The following TBL2 variants were observed in gnomAD, a reference collection of about 807,000 sequenced individuals.
TBL2 encodes the protein transducin beta-like protein 2.
TBL2 carries 33 observed loss-of-function variants against 41.8 expected under a neutral mutation model. The observed-to-expected ratio is 0.79, with a 90% CI of 0.60 to 1.06. The LOEUF is 1.06. TBL2 is among the 50% of genes least tolerant of loss of function. The pLI, the probability that TBL2 is intolerant of heterozygous loss-of-function variation, is 0.00. For missense variants in TBL2, 522 were observed against 603.8 expected (o/e 0.86, Z 1.42); for synonymous variants, 239 against 241.7 (o/e 0.99, Z 0.10).
chr7:73,574,576 G>T, intron 1 of TBL2, 63 bp from the exon 2 acceptor site: 1 of 1,609,448 alleles, frequency 6.2e-7, no homozygotes, highest in East Asian at 2.2e-5. Context: ...GCCCACCTAT[G>T]ATGAGCCAGG....
At chr7:73,576,400 T>A (rs1793316435) in intron 1 of TBL2, 1 of 331,102 alleles carries the variant, frequency 3.0e-6, no homozygotes, top group South Asian at 2.4e-5. Flanking sequence ...ACCCCGTCTC[T>A]ACTAAAAATA....
At position 73,578,422 on chromosome 7, in the gene TBL2, G is replaced by T; in HGVS notation, c.128C>A (p.Ala43Asp). Residue 43 changes from alanine to aspartate, a missense_variant and splice_region_variant, in exon 1 of 7, where the codon GCC (alanine) becomes GAC (aspartate). Ala to Asp is a moderately radical substitution (Grantham distance 126). Transcript: ENST00000305632. ...RAGEERSGRPACQKANGFPPD... is the reference protein window; with the variant it reads ...RAGEERSGRPDCQKANGFPPD... ...CCACCCGACCCGGCCCCACTTACAG[G>T]CGGGCCGGCCGCTCCTCTCCTCCCC... 2 of 1,526,512 alleles carry T rather than the reference G, an allele frequency of 1.3e-6. No individual in the cohort carries two copies. The highest frequency in any genetic ancestry group is 2.7e-5 in the East Asian group (1 of 37,694). The allele number at this position is 1,526,512 out of a possible 1,614,324, so 94.6% of individuals were successfully genotyped here.
chr7:73,569,038 T>C lies in TBL2; in HGVS notation c.*1469A>G, dbSNP rs1455918398. 2 of 152,236 alleles carry C rather than the reference T, an allele frequency of 1.3e-5. No individual in the cohort carries two copies. The highest frequency in any genetic ancestry group is 2.9e-5 in the Non-Finnish European group (2 of 68,038). 9.4% of individuals were successfully genotyped at this position (152,236 alleles called of 1,614,324 possible). A position where few individuals can be genotyped will look rare whatever the true frequency, so the allele number is the denominator to read the frequency against. ...AGGGAATAATGTGATCTGGTTCACA[T>C]TTTCAAAAGATCATTCTGCTATATA... is the stretch of plus-strand genomic sequence containing the variant. On this transcript the variant is annotated 3_prime_UTR_variant, in exon 7 of 7. Coordinates refer to ENST00000305632, the MANE Select transcript of TBL2 (RefSeq NM_012453.4).
At position 73,573,371 on chromosome 7, in the gene TBL2, A is replaced by G. The variant is rs374299938; in HGVS notation, c.547T>C (p.Phe183Leu). Residue 183 changes from phenylalanine to leucine, a missense_variant, in exon 4 of 7, where the codon TTC becomes CTC. Transcript: ENST00000305632. ...GYTFTATPED[F>L]PKKHKAPVID... is the part of the protein sequence containing the mutation. ...ACAGGCGCCTTGTGCTTTTTAGGGA[A>G]GTCCTCTGGGGTGGCTGTGAAGGTG... The G allele has an allele frequency of 1.9e-6, 3 of 1,614,038 alleles. No homozygotes were observed. Among genetic ancestry groups the G allele is most frequent in the Admixed American group, 3.3e-5 (2 of 59,988 alleles).
chr7:73,570,881 C>G lies in TBL2; in HGVS notation c.970G>C (p.Gly324Arg), dbSNP rs1792897740. The G allele has an allele frequency of 6.2e-7, 1 of 1,613,806 alleles. No individual in the cohort carries two copies. The highest frequency in any genetic ancestry group is 1.3e-5 in the African/African-American group (1 of 74,958). Residue 324 changes from glycine (G) to arginine (R), a missense_variant, in exon 7 of 7, where the codon GGC becomes CGC. By Grantham distance (125) the Gly-to-Arg change is moderately radical. Coordinates refer to ENST00000305632, the MANE Select transcript of TBL2 (RefSeq NM_012453.4). ...KKQDPYLLKTGRFEEAAGAAP... is the reference protein window; with the variant it reads ...KKQDPYLLKTRRFEEAAGAAP... ...GCACCCGCCGCCTCTTCAAAGCGGCCTGTCTTCAGCAAGTAGGGGTCCTGC... is the reference window on the plus strand; with the variant it reads ...GCACCCGCCGCCTCTTCAAAGCGGCGTGTCTTCAGCAAGTAGGGGTCCTGC...
chr7:73,573,869 C>T, intron 3 of TBL2, 69 bp downstream of exon 3: 1 of 1,567,958 alleles, frequency 6.4e-7, no homozygotes, highest in South Asian at 1.2e-5. Flanking sequence ...TACCTCAAAG[C>T]AGATATGGGA....
At chr7:73,571,075 C>A in intron 6 of TBL2, 103 bp from the exon 7 acceptor site, 1 of 1,572,528 alleles carries the variant, frequency 6.4e-7, no homozygotes, top group Non-Finnish European at 8.6e-7. Flanking sequence ...CAGCTTCCTG[C>A]CGAGGGCCAG....
At position 73,570,588 on chromosome 7, in the gene TBL2, G is replaced by T; in HGVS notation, c.1263C>A (p.Asn421Lys). 6.2e-7 allele frequency: 1 copy of T among 1,609,192 alleles called. No homozygotes were observed. The highest frequency in any genetic ancestry group is 8.5e-7 in the Non-Finnish European group (1 of 1,179,128). The change falls in exon 7 of 7, where the codon AAC becomes AAA. Residue 421 changes from asparagine to lysine, a missense_variant. Physicochemically the swap from Asn to Lys is moderately conservative, Grantham distance 94. Transcript: ENST00000305632. ...EMQGHLKRAS[N>K]ESTRQRLQQQ... is the part of the protein sequence containing the mutation. ...GCTGCAGCCTCTGGCGGGTGCTCTC[G>T]TTGGAGGCCCGCTTCAGGTGGCCCT...
rs1325328843 is a variant in TBL2, at chr7:73,578,219, A to C, written c.130+201T>G. On this transcript the variant is annotated intron_variant, in intron 1 of 6. Coordinates refer to ENST00000305632, the MANE Select transcript of TBL2 (RefSeq NM_012453.4). ...GCAGTAAGGGGCCCAGGTTGGAGCC[A>C]GTCCCGCCCCAGGAGGTGCGCCTAA... is the stretch of plus-strand genomic sequence containing the variant. 2.6e-6 allele frequency: 4 copies of C among 1,525,908 alleles called. No homozygotes were observed. The East Asian group carries it at 7.5e-5, about 29-fold the overall frequency. 94.5% of individuals were successfully genotyped at this position (1,525,908 alleles called of 1,614,324 possible).
In TBL2 at chr7:73,572,829, C is replaced by T. The variant is rs1793044888; in HGVS notation, c.725+15G>A. The T allele has an allele frequency of 1.2e-6, 2 of 1,613,938 alleles. No homozygotes were observed. Among genetic ancestry groups the T allele is most frequent in the Non-Finnish European group, 1.7e-6 (2 of 1,179,874 alleles). ...CCTCTCGTGGTCCCAGACGCCAATACCCCTCCTTGCCCACCTGCCACAGGG... is the reference window on the plus strand; with the variant it reads ...CCTCTCGTGGTCCCAGACGCCAATATCCCTCCTTGCCCACCTGCCACAGGG... On this transcript the variant is annotated intron_variant, in intron 5 of 6. Transcript: ENST00000305632.
In TBL2 at chr7:73,567,807, G is replaced by T. The variant is rs1792707575; in HGVS notation, c.*2700C>A. Among the ~76,000 whole-genome samples, 1 of 152,116 alleles carries T rather than the reference G, an allele frequency of 6.6e-6. No individual in the cohort carries two copies. The highest frequency in any genetic ancestry group is 2.4e-5 in the African/African-American group (1 of 41,412). ...TCTCACTGAAACACAACATGGCAAG[G>T]TGGGTAGCACAGGATTCATTCTTAT... On this transcript the variant is annotated 3_prime_UTR_variant, in exon 7 of 7. Coordinates refer to ENST00000305632, the MANE Select transcript of TBL2 (RefSeq NM_012453.4).
At position 73,571,215 on chromosome 7, in the gene TBL2, C is replaced by T. The variant is rs782237326; in HGVS notation, c.852G>A (p.Ser284=). 7 of 1,614,136 alleles carry T rather than the reference C, an allele frequency of 4.3e-6. No individual in the cohort carries two copies. Among genetic ancestry groups the T allele is most frequent in the East Asian group, 4.5e-5 (2 of 44,896 alleles). The change falls in exon 6 of 7, where the codon TCG becomes TCA. Residue 284 remains serine (S), a synonymous_variant. Transcript: ENST00000305632. The part of the protein sequence containing the change: ...ELKGHSAAVH[S]FAFSNDSRRM... ...TCCGTGAGTCGTTGGAGAAAGCAAA[C>T]GAGTGCACAGCCGCGGAGTGGCCCT...
In TBL2 at chr7:73,569,767, T is replaced by C. The variant is rs890358472; in HGVS notation, c.*740A>G. ...AGAGGTCTCCTTAAACAAGATATCA[T>C]CTCCCGAAGAGAGAAGTCCCAACCA... On this transcript the variant is annotated 3_prime_UTR_variant, in exon 7 of 7. Coordinates refer to ENST00000305632, the MANE Select transcript of TBL2 (RefSeq NM_012453.4). 6.6e-6 allele frequency: 1 copy of C among 152,138 alleles called. No individual in the cohort carries two copies. Among genetic ancestry groups the C allele is most frequent in the Non-Finnish European group, 1.5e-5 (1 of 68,026 alleles). 9.4% of individuals were successfully genotyped at this position (152,138 alleles called of 1,614,324 possible). A position where few individuals can be genotyped will look rare whatever the true frequency, so the allele number is the denominator to read the frequency against.
chr7:73,578,432 C>T lies in TBL2; in HGVS notation c.118G>A (p.Gly40Ser). ...GWLRAGEERS[G>S]RPACQKANGF... The stretch of plus-strand genomic sequence containing the variant: ...CGGCCCCACTTACAGGCGGGCCGGC[C>T]GCTCCTCTCCTCCCCCGCGCGCAGC... The change falls in exon 1 of 7, where the codon GGC becomes AGC. Residue 40 changes from glycine to serine, a missense_variant. Transcript: ENST00000305632. The T allele has an allele frequency of 6.5e-7, 1 of 1,531,704 alleles. No individual in the cohort carries two copies. Among genetic ancestry groups the T allele is most frequent in the Non-Finnish European group, 8.8e-7 (1 of 1,141,092 alleles). 94.9% of individuals were successfully genotyped at this position (1,531,704 alleles called of 1,614,324 possible).
At chr7:73,575,070 G>C (rs905079759) in intron 1 of TBL2, among the ~76,000 whole-genome samples, 4 of 152,100 alleles carry the variant, frequency 2.6e-5, no homozygotes, top group African/African-American at 7.2e-5. Context: ...ATCTCTAGCG[G>C]CCCTGCTTTG....
At chr7:73,571,783 G>A (rs1034295478) in intron 5 of TBL2, 10 of 166,678 alleles carry the variant, frequency 6.0e-5, no homozygotes, top group East Asian at 3.2e-4. Flanking sequence ...AAAAAAGGCC[G>A]GGTGTGGTGG....
chr7:73,572,750 T>C lies in TBL2; in HGVS notation c.725+94A>G, dbSNP rs1242657602. ...GGGTTCCTGACCCCACCCCGTATGCTCTTCCCACGCGATGAAGCTGGCTCT... is the reference window on the plus strand; with the variant it reads ...GGGTTCCTGACCCCACCCCGTATGCCCTTCCCACGCGATGAAGCTGGCTCT... On this transcript the variant is annotated intron_variant, in intron 5 of 6. Coordinates refer to ENST00000305632, the MANE Select transcript of TBL2 (RefSeq NM_012453.4). 3.2e-6 allele frequency: 5 copies of C among 1,573,686 alleles called. No homozygotes were observed. The African/African-American group carries it at 6.7e-5, about 21-fold the overall frequency.
chr7:73,576,100 C>T (rs191543907), intron 1 of TBL2, among the ~76,000 whole-genome samples: 309 of 151,368 alleles, frequency 2.0e-3, no homozygotes, highest in Middle Eastern at 6.9e-3. Flanking sequence ...TACAAAGTGA[C>T]AAGCAAAAGT....
intron 5 of TBL2, 116 bp from the exon 6 acceptor site, chr7:73,571,457 C>G: frequency 6.2e-6 from 9 of 1,446,100 alleles, no homozygotes; most frequent in Non-Finnish European, 8.4e-6. Context: ...ATAATATAAA[C>G]CTTTAAAGAG....
Sources: gnomAD v4.1 joint callset for allele counts (sites outside exome capture counted in the v4.1 genomes callset) on GRCh38, gnomAD v4.1.1 for gene constraint, MANE v1.5 for transcripts, NCBI Gene and HGNC (gene_info 2026-07-23, HGNC 2026-07-21) for gene names.